The following ZDHHC2 variants were observed in gnomAD, a reference collection of about 807,000 sequenced individuals.
ZDHHC2 encodes palmitoyltransferase ZDHHC2.
ZDHHC2 carries 51 observed loss-of-function variants against 55.6 expected under a neutral mutation model. That is an observed-to-expected ratio of 0.92 (90% CI 0.73 to 1.16). ZDHHC2 has a LOEUF of 1.16. ZDHHC2 is among the 50% of genes most tolerant of loss of function. The pLI, the probability that ZDHHC2 is intolerant of heterozygous loss-of-function variation, is 0.00. For synonymous variants in ZDHHC2, 199 were observed against 152.9 expected, an observed-to-expected ratio of 1.30 and a Z score of -2.22; for missense variants, 491 against 442.4, an observed-to-expected ratio of 1.11 and a Z score of -0.99.
chr8:17,189,534 A>C (rs917316793), intron 3 of ZDHHC2, among the ~76,000 whole-genome samples: 12 of 152,364 alleles, frequency 7.9e-5, no homozygotes, highest in African/African-American at 2.9e-4. Flanking sequence ...AAAGTAGGGA[A>C]GAAGTTATTC....
intron 6 of ZDHHC2, among the ~76,000 whole-genome samples, chr8:17,202,995 A>G (rs1806881892): frequency 1.3e-5 from 2 of 151,332 alleles, no homozygotes; most frequent in African/African-American, 4.9e-5. Flanking sequence ...AAGAGAAACA[A>G]TCTTTTCTAT....
At chr8:17,167,550 C>A (rs1475139622) in intron 1 of ZDHHC2, among the ~76,000 whole-genome samples, 1 of 152,130 alleles carries the variant, frequency 6.6e-6, no homozygotes, top group Middle Eastern at 3.4e-3. Context: ...GGTGATTCGG[C>A]CTCCCAAAGT....
intron 1 of ZDHHC2, among the ~76,000 whole-genome samples, chr8:17,158,564 A>G (rs1230654352): frequency 6.6e-6 from 1 of 152,246 alleles, no homozygotes; most frequent in East Asian, 1.9e-4. Context: ...TGTATTGGGT[A>G]GACAGGTGAT....
chr8:17,190,208 A>G (rs1300403380), intron 3 of ZDHHC2, among the ~76,000 whole-genome samples: 1 of 151,978 alleles, frequency 6.6e-6, no homozygotes, highest in Non-Finnish European at 1.5e-5. Flanking sequence ...GTGAGCCGAG[A>G]TCGCACCACT....
At chr8:17,194,730 C>A (rs1456249569) in intron 3 of ZDHHC2, among the ~76,000 whole-genome samples, 1 of 152,108 alleles carries the variant, frequency 6.6e-6, no homozygotes, top group African/African-American at 2.4e-5. Context: ...TTGTTAAATG[C>A]CGGTACTATT....
chr8:17,202,277 G>A (rs759783988), intron 6 of ZDHHC2, among the ~76,000 whole-genome samples: 63 of 146,154 alleles, frequency 4.3e-4, no homozygotes, highest in Non-Finnish European at 4.5e-4. Flanking sequence ...CTGGAGTGCA[G>A]TGGCACGATC....
At chr8:17,185,484 C>G (rs1805661745) in intron 2 of ZDHHC2, among the ~76,000 whole-genome samples, 1 of 151,782 alleles carries the variant, frequency 6.6e-6, no homozygotes, top group Admixed American at 6.6e-5. Flanking sequence ...TGGTGAAACC[C>G]TGTCTCTACT....
At chr8:17,204,620 G>C (rs1356001516) in intron 6 of ZDHHC2, among the ~76,000 whole-genome samples, 1 of 152,126 alleles carries the variant, frequency 6.6e-6, no homozygotes, top group South Asian at 2.1e-4. Context: ...AGAACACATG[G>C]ACACAGAGGA....
chr8:17,164,581 A>C (rs977265256), intron 1 of ZDHHC2, among the ~76,000 whole-genome samples: 17 of 152,054 alleles, frequency 1.1e-4, no homozygotes, highest in African/African-American at 4.1e-4. Flanking sequence ...CATCAGCAAA[A>C]TATACACTAA....
rs527259235 is a variant in ZDHHC2 at position 17,166,890 on chromosome 8, A to G, written c.130+10037A>G. 4.6e-5 allele frequency among the ~76,000 whole-genome samples: 7 copies of G among 152,316 alleles called. No individual in the cohort carries two copies. The East Asian group carries it at 1.3e-3, about 29-fold the overall frequency. On this transcript the variant is annotated intron_variant, in intron 1 of 12. Coordinates refer to ENST00000262096, the MANE Select transcript of ZDHHC2 (RefSeq NM_016353.5). ...ACTCTGATGACTTTCAATGTAATTT[A>G]CAAGGTTACCAAAAAGAATCTCGTA...
At chr8:17,211,894 A>G (rs1807401965) in intron 10 of ZDHHC2, among the ~76,000 whole-genome samples, 1 of 152,200 alleles carries the variant, frequency 6.6e-6, no homozygotes, top group South Asian at 2.1e-4. Flanking sequence ...TAGTTTTAAT[A>G]AATTATTCAG....
At chr8:17,184,426 C>A (rs372100700) in intron 1 of ZDHHC2, among the ~76,000 whole-genome samples, 4 of 152,160 alleles carry the variant, frequency 2.6e-5, no homozygotes, top group Admixed American at 1.3e-4. Context: ...TAAATGCCTG[C>A]GGAAATGTAA....
At chr8:17,167,108 T>A (rs1283138365) in intron 1 of ZDHHC2, among the ~76,000 whole-genome samples, 1 of 152,058 alleles carries the variant, frequency 6.6e-6, no homozygotes, top group Non-Finnish European at 1.5e-5. Context: ...CGTACTAACA[T>A]TTGGGACATA....
chr8:17,198,820 A>G (rs868414603), intron 6 of ZDHHC2, among the ~76,000 whole-genome samples: 25 of 152,350 alleles, frequency 1.6e-4, no homozygotes, highest in African/African-American at 5.5e-4. Flanking sequence ...TTTACACAGA[A>G]TTTGACATTA....
intron 12 of ZDHHC2, among the ~76,000 whole-genome samples, chr8:17,219,099 A>C (rs541423811): frequency 6.6e-6 from 1 of 151,908 alleles, no homozygotes; most frequent in East Asian, 2.0e-4. Flanking sequence ...AAAATACAAA[A>C]ATTAGACGGA....
rs1213356729 is a variant in ZDHHC2 at position 17,222,603 on chromosome 8, T to C, written c.*2382T>C. On this transcript the variant is annotated 3_prime_UTR_variant, in exon 13 of 13. Transcript: ENST00000262096. ...CTTCATATACGTTAGTTATTTGCTA[T>C]TATGTAGGGAAGAGGATTGTTATTT... The C allele has an allele frequency of 6.6e-6, 1 of 151,872 alleles. No homozygotes were observed. 9.4% of individuals were successfully genotyped at this position (151,872 alleles called of 1,614,324 possible). A position where few individuals can be genotyped will look rare whatever the true frequency, so the allele number is the denominator to read the frequency against.
intron 3 of ZDHHC2, among the ~76,000 whole-genome samples, chr8:17,190,082 T>A (rs940151197): frequency 1.3e-5 from 2 of 152,080 alleles, no homozygotes; most frequent in Non-Finnish European, 2.9e-5. Context: ...CAAAAATTTT[T>A]TTACGTATTA....
In ZDHHC2 at chr8:17,159,603, T is replaced by A. The variant is rs1228390360; in HGVS notation, c.130+2750T>A. On this transcript the variant is annotated intron_variant, in intron 1 of 12. Coordinates refer to ENST00000262096, the MANE Select transcript of ZDHHC2 (RefSeq NM_016353.5). ...TGTATGTGGCTCTCTAGGCACTTTT[T>A]CAGTTAGCATAATTTTTGCTTAGTG... is the stretch of plus-strand genomic sequence containing the variant. Among the ~76,000 whole-genome samples, 3 of 152,332 alleles carry A rather than the reference T, an allele frequency of 2.0e-5. No individual in the cohort carries two copies. The East Asian group carries it at 5.8e-4, about 29-fold the overall frequency.
intron 3 of ZDHHC2, among the ~76,000 whole-genome samples, chr8:17,192,469 A>G (rs1051730850): frequency 4.6e-5 from 7 of 152,176 alleles, no homozygotes; most frequent in African/African-American, 1.7e-4. Context: ...AAATTGGATT[A>G]TTAGATTTTT....
Sources: gnomAD v4.1 joint callset for allele counts (sites outside exome capture counted in the v4.1 genomes callset) on GRCh38, gnomAD v4.1.1 for gene constraint, MANE v1.5 for transcripts, NCBI Gene and HGNC (gene_info 2026-07-23, HGNC 2026-07-21) for gene names.